Variants in OTOA observed in about 807,000 individuals in gnomAD.
OTOA encodes cancer/testis antigen 108.
Under a neutral mutation model 110.8 loss-of-function variants are expected in OTOA, and 70 were observed. The observed-to-expected ratio is 0.63, with a 90% confidence interval of 0.52 to 0.77. OTOA has a LOEUF of 0.77. Among genes scored for constraint, OTOA ranks in the 30% least tolerant of loss-of-function variants. OTOA has a pLI of 0.00. For synonymous variants in OTOA, 373 were observed against 431.5 expected, an observed-to-expected ratio of 0.86 and a Z score of 1.68; for missense variants, 917 against 1,075.8, an observed-to-expected ratio of 0.85 and a Z score of 2.06.
chr16:21,733,503 T>C (rs58524714), intron 21 of OTOA, among the ~76,000 whole-genome samples: 2,492 of 152,058 alleles, frequency 0.016, 60 homozygotes, highest in African/African-American at 0.057. Flanking sequence ...ACTCTAATTC[T>C]GAAGATGAGA....
rs1275851235 is a variant in OTOA, at chr16:21,726,521, AG to A, written c.1882del. The A allele has an allele frequency of 1.2e-6, 2 of 1,613,458 alleles. No individual in the cohort carries two copies. Among genetic ancestry groups the A allele is most frequent in the Admixed American group, 3.3e-5 (2 of 60,014 alleles). ...CCTCTTGTTCTCCCCATCTCTCTCC[AG>A]GGCCCGCTACCTGGCTTCTGTCCCA... On this transcript the variant is annotated splice_acceptor_variant, in intron 18 of 28. Transcript: ENST00000646100. LOFTEE classifies it high-confidence loss of function.
chr16:21,702,833 G>T (rs1183524252), intron 11 of OTOA, among the ~76,000 whole-genome samples: 1 of 151,988 alleles, frequency 6.6e-6, no homozygotes. Flanking sequence ...ACGCCACCAC[G>T]CCCAGCTAAT....
At chr16:21,712,427 C>G (rs1185437237) in intron 13 of OTOA, among the ~76,000 whole-genome samples, 1 of 151,868 alleles carries the variant, frequency 6.6e-6, no homozygotes, top group East Asian at 1.9e-4. Context: ...CACCGTAATT[C>G]TAGTGTTAGT....
chr16:21,677,099 C>G (rs910936302), intron 1 of OTOA, among the ~76,000 whole-genome samples: 4 of 152,136 alleles, frequency 2.6e-5, no homozygotes, highest in Non-Finnish European at 4.4e-5. Flanking sequence ...CCATGTTTAA[C>G]CTTTCACCTG....
At chr16:21,705,465 C>G in intron 12 of OTOA, 173 bp downstream of exon 12, 1 of 1,001,370 alleles carries the variant, frequency 1.0e-6, no homozygotes, top group Non-Finnish European at 1.5e-6. Flanking sequence ...CATCGAAGCC[C>G]AGACAGAAAA....
chr16:21,682,066 AC>A (rs1221499607), intron 6 of OTOA, among the ~76,000 whole-genome samples: 1 of 152,054 alleles, frequency 6.6e-6, no homozygotes, highest in African/African-American at 2.4e-5. Flanking sequence ...TAACAAAAAG[AC>A]CCCCAGATGA....
At chr16:21,723,049 T>C in intron 18 of OTOA, 71 bp downstream of exon 18, 1 of 1,513,258 alleles carries the variant, frequency 6.6e-7, no homozygotes, top group Non-Finnish European at 9.2e-7. Flanking sequence ...GTCAAAATGA[T>C]TCTCTCCCCA....
At chr16:21,684,994 C>T (rs965245235) in intron 6 of OTOA, among the ~76,000 whole-genome samples, 18 of 152,060 alleles carry the variant, frequency 1.2e-4, no homozygotes, top group African/African-American at 3.9e-4. Flanking sequence ...TCGTGATCCA[C>T]CCGCCTCGGC....
intron 8 of OTOA, among the ~76,000 whole-genome samples, chr16:21,689,823 T>C (rs1897792470): frequency 6.6e-6 from 1 of 151,980 alleles, no homozygotes; most frequent in African/African-American, 2.4e-5. Context: ...GTAGCTGGGA[T>C]TACAGGTGCA....
intron 28 of OTOA, among the ~76,000 whole-genome samples, chr16:21,758,133 G>A (rs1156664977): frequency 1.3e-5 from 2 of 151,772 alleles, no homozygotes; most frequent in Non-Finnish European, 2.9e-5. Flanking sequence ...TGGATCCTGG[G>A]AACATGGCCT....
chr16:21,677,524 C>G (rs1966861134), intron 1 of OTOA, among the ~76,000 whole-genome samples: 2 of 149,020 alleles, frequency 1.3e-5, no homozygotes, highest in African/African-American at 2.5e-5. Flanking sequence ...CTCTGTCGCC[C>G]AGGCTGGAGT....
chr16:21,677,479 C>CTTTTTTTTT (rs778223383), intron 1 of OTOA, among the ~76,000 whole-genome samples: 2 of 116,922 alleles, frequency 1.7e-5, no homozygotes, highest in African/African-American at 3.5e-5. Flanking sequence ...AGCTTCATAT[C>CTTTTTTTTT]TTTTTTTTTT....
In OTOA at chr16:21,684,658, G is replaced by A. The variant is rs1035754386; in HGVS notation, c.268-572G>A. ...ATTGCCTAAAAGGGGATGTGCGCCC[G>A]GTGTTGCCAAACCTTTACTTTTTCA... On this transcript the variant is annotated intron_variant, in intron 6 of 28. Transcript: ENST00000646100. 209 of 820,204 alleles carry A rather than the reference G, an allele frequency of 2.5e-4. 1 individual carries two copies. The highest frequency in any genetic ancestry group is 5.2e-4 in the South Asian group (27 of 52,390). 50.8% of individuals were successfully genotyped at this position (820,204 alleles called of 1,614,324 possible).
chr16:21,709,941 C>T lies in OTOA; in HGVS notation c.1158C>T (p.Thr386=). ...IAMENQTLNE[T]LGSLSDAVVG... ...TGGAGAACCAGACCCTCAATGAGACCCTGGGTTCTTTGTCGGATGCAGTTG... is the reference window on the plus strand; with the variant it reads ...TGGAGAACCAGACCCTCAATGAGACTCTGGGTTCTTTGTCGGATGCAGTTG... Residue 386 remains threonine (T), a synonymous_variant, in exon 13 of 29, where the codon ACC becomes ACT. Coordinates refer to ENST00000646100, the MANE Select transcript of OTOA (RefSeq NM_144672.4). The T allele has an allele frequency of 6.2e-7, 1 of 1,613,946 alleles. No individual in the cohort carries two copies. The highest frequency in any genetic ancestry group is 8.5e-7 in the Non-Finnish European group (1 of 1,179,938).
intron 12 of OTOA, among the ~76,000 whole-genome samples, chr16:21,706,622 G>C (rs1898176400): frequency 6.6e-6 from 1 of 152,006 alleles, no homozygotes; most frequent in Non-Finnish European, 1.5e-5. Context: ...TTCCAGTCAA[G>C]TCTCAATTCT....
rs1053773480 is a variant in OTOA at position 21,709,783 on chromosome 16, A to G, written c.1105-105A>G. 4 of 1,000,696 alleles carry G rather than the reference A, an allele frequency of 4.0e-6. No homozygotes were observed. The African/African-American group carries it at 6.3e-5, about 16-fold the overall frequency. 62.0% of individuals were successfully genotyped at this position (1,000,696 alleles called of 1,614,324 possible). On this transcript the variant is annotated intron_variant, in intron 12 of 28. Coordinates refer to ENST00000646100, the MANE Select transcript of OTOA (RefSeq NM_144672.4). ...CTGAGCCCAAAAGCTTTGATGGAAC[A>G]GGGTCAAGGGAGGTGCTGTGGAGTC...
Position 21,722,915 on chromosome 16 carries a change from T to C in OTOA, c.1817T>C (p.Leu606Ser). The change falls in exon 18 of 29, where the codon TTG becomes TCG. Residue 606 changes from leucine to serine, a missense_variant. Leu to Ser is a moderately radical substitution (Grantham distance 145, BLOSUM62 -2). Coordinates refer to ENST00000646100, the MANE Select transcript of OTOA (RefSeq NM_144672.4). Reference protein sequence around the residue: ...ALLSPYQVNCLAWKYWEVSRL... With the variant: ...ALLSPYQVNCSAWKYWEVSRL... Reference sequence around the variant, plus strand: ...TGCTTAATCTTTCAGGTTAATTGTTTGGCGTGGAAATACTGGGAAGTTTCC... The same window carrying C: ...TGCTTAATCTTTCAGGTTAATTGTTCGGCGTGGAAATACTGGGAAGTTTCC... 1 of 1,614,154 alleles carries C rather than the reference T, an allele frequency of 6.2e-7. No individual in the cohort carries two copies. Among genetic ancestry groups the C allele is most frequent in the Non-Finnish European group, 8.5e-7 (1 of 1,179,992 alleles).
chr16:21,671,171 C>T (rs557120183), intron 1 of OTOA, among the ~76,000 whole-genome samples: 1 of 152,122 alleles, frequency 6.6e-6, no homozygotes, highest in East Asian at 1.9e-4. Flanking sequence ...GACTTTGTGT[C>T]AAGCCCTGTT....
At chr16:21,699,843 C>T (rs867728471) in intron 10 of OTOA, among the ~76,000 whole-genome samples, 8 of 151,950 alleles carry the variant, frequency 5.3e-5, no homozygotes, top group African/African-American at 7.3e-5. Context: ...CACTTGAACC[C>T]GGGAGGCTGA....
Sources: allele counts gnomAD v4.1 joint callset (sites outside exome capture counted in the v4.1 genomes callset), GRCh38; gene constraint gnomAD v4.1.1; transcripts MANE v1.5; gene names NCBI Gene and HGNC (gene_info 2026-07-23, HGNC 2026-07-21).